OR10R2: variants seen among roughly 807,000 people sequenced by gnomAD.
The protein encoded by OR10R2 is olfactory receptor family 10 subfamily R member 2.
A neutral mutation model predicts 2.4 loss-of-function variants in OR10R2; 1 was observed. That is an observed-to-expected ratio of 0.41 (90% CI 0.15 to 1.95). The LOEUF (loss-of-function observed/expected upper bound fraction) is 1.95, where lower values mean the gene tolerates loss of function less well. OR10R2 is among the 30% of genes most tolerant of loss of function. The pLI, the probability that OR10R2 is intolerant of heterozygous loss-of-function variation, is 0.30. For missense variants in OR10R2, 419 were observed against 373.0 expected, an observed-to-expected ratio of 1.12 and a Z score of -1.01; for synonymous variants, 166 against 144.8, an observed-to-expected ratio of 1.15 and a Z score of -1.05.
chr1:158,477,435 T>A (rs186119748), intron 1 of OR10R2, among the ~76,000 whole-genome samples: 3 of 152,300 alleles, frequency 2.0e-5, no homozygotes, highest in Admixed American at 2.0e-4. Context: ...CTCCTAGAAC[T>A]GATAAATGAC....
chr1:158,473,366 G>A (rs1656199952), intron 1 of OR10R2, among the ~76,000 whole-genome samples: 2 of 152,194 alleles, frequency 1.3e-5, no homozygotes, highest in Non-Finnish European at 2.9e-5. Context: ...GATCTAAAAT[G>A]TAAGAAGTCC....
Position 158,480,530 on chromosome 1 carries a change from T to C in OR10R2, c.620T>C (p.Val207Ala), listed in dbSNP as rs1274891153. 3 of 1,613,572 alleles carry C rather than the reference T, an allele frequency of 1.9e-6. No homozygotes were observed. The South Asian group carries it at 3.3e-5, about 18-fold the overall frequency. ...ACCAACACAGATGTTAACGAATTTGTGATATTCATTTGTGGAGTTCTTGTA... is the reference window on the plus strand; with the variant it reads ...ACCAACACAGATGTTAACGAATTTGCGATATTCATTTGTGGAGTTCTTGTA... Residue 207 changes from valine to alanine, a missense_variant, in exon 2 of 2, where the codon GTG becomes GCG. Val to Ala is a moderately conservative substitution (Grantham distance 64, BLOSUM62 0). Transcript: ENST00000641067.
At chr1:158,475,636 T>A (rs574424949) in intron 1 of OR10R2, among the ~76,000 whole-genome samples, 2 of 151,864 alleles carry the variant, frequency 1.3e-5, no homozygotes, top group East Asian at 3.9e-4. Flanking sequence ...AATATTAACA[T>A]CTGAAGAATA....
rs758219754 is a variant in OR10R2, at chr1:158,480,009, G to A, written c.99G>A (p.Gln33=). Residue 33 remains glutamine (Q), a synonymous_variant, in exon 2 of 2, where the codon CAG becomes CAA. Transcript: ENST00000641067. ...GTTTTTCCAGCCTTGGTGAAATTCAGCTGGCCCTCTTTGTAGTTTTTCTTT... is the reference window on the plus strand; with the variant it reads ...GTTTTTCCAGCCTTGGTGAAATTCAACTGGCCCTCTTTGTAGTTTTTCTTT... 3.1e-6 allele frequency: 5 copies of A among 1,614,020 alleles called. No homozygotes were observed. The Admixed American group carries it at 6.7e-5, about 22-fold the overall frequency.
chr1:158,472,223 A>G (rs1656179453), exon 1 of OR10R2: 1 of 398,562 alleles, frequency 2.5e-6, no homozygotes, highest in Non-Finnish European at 4.4e-6. Flanking sequence ...GCTAGATAGT[A>G]AAATTACCAA....
chr1:158,478,237 T>G (rs910144397), intron 1 of OR10R2, among the ~76,000 whole-genome samples: 1 of 152,194 alleles, frequency 6.6e-6, no homozygotes, highest in Admixed American at 6.5e-5. Context: ...ATTCTCAATA[T>G]CAGCCTTGGC....
In OR10R2 at chr1:158,480,735, T is replaced by G; in HGVS notation, c.825T>G (p.Tyr275Ter). ...TCTACCTGAGGCCTACAGCAAACTATGTGTCCAACAAAGACAGGCTGGTGA... is the reference window on the plus strand; with the variant it reads ...TCTACCTGAGGCCTACAGCAAACTAGGTGTCCAACAAAGACAGGCTGGTGA... Residue 275 changes from tyrosine to a stop codon, truncating the protein, a stop_gained, in exon 2 of 2, where the codon TAT becomes TAG. Coordinates refer to ENST00000641067, the Ensembl canonical transcript of OR10R2. LOFTEE classifies it low-confidence loss of function (END_TRUNC). 1 of 1,613,260 alleles carries G rather than the reference T, an allele frequency of 6.2e-7. No individual in the cohort carries two copies. The highest frequency in any genetic ancestry group is 8.5e-7 in the Non-Finnish European group (1 of 1,179,308).
intron 1 of OR10R2, among the ~76,000 whole-genome samples, chr1:158,474,030 C>CT (rs1334219418): frequency 3.5e-5 from 5 of 141,922 alleles, no homozygotes; most frequent in Admixed American, 3.5e-4. Flanking sequence ...TCTCTTTCTT[C>CT]TTTCTTTCTT....
intron 1 of OR10R2, 114 bp from the exon 2 acceptor site, chr1:158,479,824 T>A: frequency 9.1e-7 from 1 of 1,098,214 alleles, no homozygotes; most frequent in South Asian, 1.5e-5. Flanking sequence ...CCGGAAAAGG[T>A]GAATAAAAGG....
At chr1:158,480,571 C>T (rs761535481) in exon 2 of OR10R2, 336 of 1,613,220 alleles carry the variant, frequency 2.1e-4, no homozygotes, top group Non-Finnish European at 2.6e-4. Context: ...GGTTCCCTTT[C>T]TGTTTATCTG....
At chr1:158,472,382 T>G (rs909596302) in intron 1 of OR10R2, 30 bp downstream of exon 1, 6 of 398,866 alleles carry the variant, frequency 1.5e-5, no homozygotes, top group African/African-American at 8.2e-5. Flanking sequence ...CTTGAAAAAT[T>G]TTAAGAGACT....
chr1:158,474,021 CTCTTTCTTCTTTCTT>C (rs1348784162), intron 1 of OR10R2, among the ~76,000 whole-genome samples: 2 of 149,804 alleles, frequency 1.3e-5, no homozygotes, highest in East Asian at 3.9e-4. Flanking sequence ...CTTTCTTCCT[CTCTTTCTTCTTTCTT>C]TCTTTCTTTC....
At chr1:158,475,894 A>G (rs976362475) in intron 1 of OR10R2, among the ~76,000 whole-genome samples, 5 of 151,966 alleles carry the variant, frequency 3.3e-5, no homozygotes, top group Non-Finnish European at 4.4e-5. Context: ...GATATTTAAA[A>G]TGTATTAAAG....
At chr1:158,474,654 T>C (rs1656238279) in intron 1 of OR10R2, 1 of 152,214 alleles carries the variant, frequency 6.6e-6, no homozygotes, top group African/African-American at 2.4e-5. Flanking sequence ...TGTATTCTAT[T>C]TTTGTAGTTC....
chr1:158,479,816 G>T lies in OR10R2; in HGVS notation c.28-122G>T, dbSNP rs143074759. Reference sequence around the variant, plus strand: ...TGAACATGAGAGGTAGTTAGGAACCGGAAAAGGTGAATAAAAGGCAAGATT... The same window carrying T: ...TGAACATGAGAGGTAGTTAGGAACCTGAAAAGGTGAATAAAAGGCAAGATT... On this transcript the variant is annotated intron_variant, in intron 1 of 1. Coordinates refer to ENST00000641067, the Ensembl canonical transcript of OR10R2. 3 of 1,006,214 alleles carry T rather than the reference G, an allele frequency of 3.0e-6. No individual in the cohort carries two copies. The African/African-American group carries it at 4.9e-5, about 16-fold the overall frequency. 62.3% of individuals were successfully genotyped at this position (1,006,214 alleles called of 1,614,324 possible).
At chr1:158,478,567 T>G (rs1656318255) in intron 1 of OR10R2, among the ~76,000 whole-genome samples, 1 of 152,172 alleles carries the variant, frequency 6.6e-6, no homozygotes, top group South Asian at 2.1e-4. Context: ...AGAAAAAAAC[T>G]ATTGTAAGTT....
intron 1 of OR10R2, among the ~76,000 whole-genome samples, chr1:158,478,110 A>G (rs183119783): frequency 4.5e-4 from 68 of 152,318 alleles, no homozygotes; most frequent in African/African-American, 1.6e-3. Context: ...CATCTGCAGA[A>G]GAGGGAAACT....
intron 1 of OR10R2, among the ~76,000 whole-genome samples, chr1:158,476,153 A>G (rs1656263288): frequency 6.6e-6 from 1 of 152,120 alleles, no homozygotes; most frequent in South Asian, 2.1e-4. Context: ...TCAAATTATC[A>G]TATGGAAGAG....
chr1:158,479,735 A>T, intron 1 of OR10R2: 1 of 610,234 alleles, frequency 1.6e-6, no homozygotes, highest in Non-Finnish European at 2.9e-6. Context: ...AGAAAGTCAG[A>T]GAAAGAGATG....
Sources: allele counts gnomAD v4.1 joint callset (sites outside exome capture counted in the v4.1 genomes callset), GRCh38; gene constraint gnomAD v4.1.1; transcripts MANE v1.5; gene names NCBI Gene and HGNC (gene_info 2026-07-23, HGNC 2026-07-21).